NIPBL: variants seen among roughly 807,000 people sequenced by gnomAD.
NIPBL encodes NIPBL cohesin loading factor, also known as nipped-B-like protein.
NIPBL carries 19 observed loss-of-function variants against 321.8 expected under a neutral mutation model. The observed-to-expected ratio is 0.06, with a 90% CI of 0.04 to 0.09. NIPBL has a LOEUF of 0.09. Among genes scored for constraint, NIPBL ranks in the 10% least tolerant of loss-of-function variants. The pLI is 1.00. For synonymous variants in NIPBL, 1,106 were observed against 1,114.1 expected (o/e 0.99, Z 0.14); for missense variants, 2,210 against 3,327.0 (o/e 0.66, Z 8.26).
intron 14 of NIPBL, 134 bp from the exon 15 acceptor site, chr5:37,002,528 T>C: frequency 1.5e-6 from 1 of 678,394 alleles, no homozygotes; most frequent in South Asian, 1.6e-5. Flanking sequence ...TTACTTGAGG[T>C]TTATATATAG....
At chr5:36,920,790 T>C (rs1021202219) in intron 1 of NIPBL, among the ~76,000 whole-genome samples, 1 of 152,100 alleles carries the variant, frequency 6.6e-6, no homozygotes, top group African/African-American at 2.4e-5. Flanking sequence ...TTAACCTGTA[T>C]CTGTCACCTT....
chr5:36,996,599 C>T lies in NIPBL; in HGVS notation c.3304+795C>T. The T allele has an allele frequency of 2.2e-6, 1 of 444,708 alleles. No individual in the cohort carries two copies. The highest frequency in any genetic ancestry group is 4.5e-6 in the Non-Finnish European group (1 of 220,272). 27.5% of individuals were successfully genotyped at this position (444,708 alleles called of 1,614,324 possible). A position where few individuals can be genotyped will look rare whatever the true frequency, so the allele number is the denominator to read the frequency against. ...AAAAGTTCTTCTCTTTTATCCCTAT[C>T]TTCCTTCTTCTGGAGCAAGAGAATT... On this transcript the variant is annotated intron_variant, in intron 11 of 46. Transcript: ENST00000282516. The surrounding 1 kb of genome is among the most constrained non-coding windows in gnomAD (Gnocchi z 5.0).
Position 37,022,134 on chromosome 5 carries a change from C to T in NIPBL, c.5412C>T (p.Pro1804=). 2 of 1,613,990 alleles carry T rather than the reference C, an allele frequency of 1.2e-6. No individual in the cohort carries two copies. The highest frequency in any genetic ancestry group is 2.2e-5 in the East Asian group (1 of 44,872). ...TGTCTGAGGTTGTTGCTGTAGACCC[C>T]AGTATTCTAGCAAGGGTAAAGAGCA... The part of the protein sequence containing the change: ...KCLSEVVAVD[P]SILARLDMQR... The change falls in exon 28 of 47, where the codon CCC becomes CCT. Residue 1804 remains proline, a synonymous_variant. Coordinates refer to ENST00000282516, the MANE Select transcript of NIPBL (RefSeq NM_133433.4).
At chr5:36,984,388 A>G (rs565273225) in intron 9 of NIPBL, among the ~76,000 whole-genome samples, 2 of 152,088 alleles carry the variant, frequency 1.3e-5, no homozygotes, top group African/African-American at 4.8e-5. Context: ...TTGGTACATT[A>G]TAAGTTCTAT....
At position 36,985,626 on chromosome 5, in the gene NIPBL, C is replaced by T. The variant is rs770406356; in HGVS notation, c.2446C>T (p.Arg816Cys). 3 of 1,613,720 alleles carry T rather than the reference C, an allele frequency of 1.9e-6. No individual in the cohort carries two copies. Among genetic ancestry groups the T allele is most frequent in the Non-Finnish European group, 2.5e-6 (3 of 1,179,938 alleles). ...DGRSVSESLR[R>C]DHDNKQKSDD... is the part of the protein sequence containing the mutation. ...GCGATCTGTTTCTGAGTCACTAAGA[C>T]GTGACCATGATAATAAACAAAAATC... is the stretch of plus-strand genomic sequence containing the variant. Residue 816 changes from arginine (R) to cysteine (C), a missense_variant, in exon 10 of 47, where the codon CGT becomes TGT. Around this residue, in one of 14 missense-constraint regions of NIPBL, gnomAD observed 588 missense variants for 564.1 expected, o/e 1.04. Coordinates refer to ENST00000282516, the MANE Select transcript of NIPBL (RefSeq NM_133433.4).
chr5:36,954,161 C>T (rs182766912), intron 2 of NIPBL, among the ~76,000 whole-genome samples: 4 of 152,230 alleles, frequency 2.6e-5, no homozygotes, highest in Non-Finnish European at 5.9e-5. Flanking sequence ...ATTTTAGTTA[C>T]TGTGTCATCC....
chr5:36,964,190 A>G lies in NIPBL; in HGVS notation c.610+1916A>G, dbSNP rs187325940. On this transcript the variant is annotated intron_variant, in intron 6 of 46. Coordinates refer to ENST00000282516, the MANE Select transcript of NIPBL (RefSeq NM_133433.4). The stretch of plus-strand genomic sequence containing the variant: ...AAAAATTTAGTCAGTACTACCCAAA[A>G]CAGTTTCTATATTCAACGTAATCCC... 9.8e-4 allele frequency among the ~76,000 whole-genome samples: 149 copies of G among 152,220 alleles called. 1 individual carries two copies. The highest frequency in any genetic ancestry group is 1.9e-3 in the East Asian group (10 of 5,188).
intron 1 of NIPBL, among the ~76,000 whole-genome samples, chr5:36,950,189 G>A (rs1740115450): frequency 6.6e-6 from 1 of 151,900 alleles, no homozygotes; most frequent in Non-Finnish European, 1.5e-5. Context: ...AATATATACT[G>A]GAATGCCAAA....
chr5:37,020,963 T>C, intron 27 of NIPBL, 86 bp downstream of exon 27: 2 of 940,966 alleles, frequency 2.1e-6, no homozygotes, highest in African/African-American at 1.6e-5. Flanking sequence ...TCATTCATTG[T>C]TGAGTACAGA....
At chr5:36,887,891 GA>G (rs1746036799) in intron 1 of NIPBL, among the ~76,000 whole-genome samples, 1 of 152,072 alleles carries the variant, frequency 6.6e-6, no homozygotes, top group African/African-American at 2.4e-5. Flanking sequence ...GTCACCCAAA[GA>G]AAGAAAACTA....
chr5:36,908,961 T>A (rs992045785), intron 1 of NIPBL, among the ~76,000 whole-genome samples: 1 of 152,210 alleles, frequency 6.6e-6, no homozygotes, highest in Non-Finnish European at 1.5e-5. Flanking sequence ...TATATCCTTG[T>A]CTGAAATGAT....
chr5:36,981,129 C>CTGTT (rs1380953502), intron 9 of NIPBL, among the ~76,000 whole-genome samples: 3 of 151,676 alleles, frequency 2.0e-5, no homozygotes, highest in African/African-American at 7.2e-5. Context: ...TTTTTTACAA[C>CTGTT]TGTTGTATTA....
chr5:36,944,177 T>C (rs973501157), intron 1 of NIPBL, among the ~76,000 whole-genome samples: 2 of 152,092 alleles, frequency 1.3e-5, no homozygotes, highest in Non-Finnish European at 2.9e-5. Context: ...TGCATATATA[T>C]GTTTTATGCT....
intron 1 of NIPBL, among the ~76,000 whole-genome samples, chr5:36,879,137 A>G (rs1406059879): frequency 3.3e-5 from 5 of 152,240 alleles, no homozygotes; most frequent in African/African-American, 1.2e-4. Context: ...TTGTCTCTAC[A>G]ACTTTTATTT....
At chr5:37,016,968 TA>T (rs752707736) in intron 23 of NIPBL, 50 bp from the exon 24 acceptor site, 10 of 1,240,136 alleles carry the variant, frequency 8.1e-6, no homozygotes, top group South Asian at 1.5e-5. Context: ...AATTGCTATT[TA>T]AAATATATTG....
chr5:37,051,904 T>C lies in NIPBL; in HGVS notation c.7062+18T>C, dbSNP rs1331035182. ...TCATTCATGTATGTATTTTAACATTTTATAACCTAAATTTAAACATTTTTC... is the reference window on the plus strand; with the variant it reads ...TCATTCATGTATGTATTTTAACATTCTATAACCTAAATTTAAACATTTTTC... On this transcript the variant is annotated intron_variant, in intron 41 of 46. Coordinates refer to ENST00000282516, the MANE Select transcript of NIPBL (RefSeq NM_133433.4). 2 of 1,541,932 alleles carry C rather than the reference T, an allele frequency of 1.3e-6. No individual in the cohort carries two copies. The highest frequency in any genetic ancestry group is 3.3e-5 in the Admixed American group (2 of 59,896).
At chr5:36,925,337 C>T (rs1293595027) in intron 1 of NIPBL, among the ~76,000 whole-genome samples, 5 of 149,350 alleles carry the variant, frequency 3.3e-5, no homozygotes, top group Admixed American at 6.7e-5. Context: ...GGCGTGATCT[C>T]GGCGCACTGC....
chr5:36,927,949 G>T (rs1410035957), intron 1 of NIPBL, among the ~76,000 whole-genome samples: 1 of 151,864 alleles, frequency 6.6e-6, no homozygotes, highest in Non-Finnish European at 1.5e-5. Context: ...GCCTCCCGAA[G>T]TAGATTACAG....
At chr5:36,965,823 T>G (rs1742141729) in intron 6 of NIPBL, among the ~76,000 whole-genome samples, 1 of 152,084 alleles carries the variant, frequency 6.6e-6, no homozygotes, top group African/African-American at 2.4e-5. Context: ...CATAATTTTA[T>G]TTGAAAAAGA....
Sources: allele counts gnomAD v4.1 joint callset (sites outside exome capture counted in the v4.1 genomes callset), GRCh38; gene constraint gnomAD v4.1.1; regional missense constraint gnomAD v4.1.1; non-coding constraint Gnocchi (gnomAD v3.1); transcripts MANE v1.5; gene names NCBI Gene and HGNC (gene_info 2026-07-23, HGNC 2026-07-21).